The following TMEM117 variants were observed in gnomAD, a reference collection of about 807,000 sequenced individuals.
TMEM117 encodes transmembrane protein 117.
In TMEM117, 27 loss-of-function variants were observed where a neutral mutation model predicts 52.4. That is an observed-to-expected ratio of 0.51 (90% CI 0.38 to 0.71). The LOEUF (loss-of-function observed/expected upper bound fraction) is 0.71, where lower values mean the gene tolerates loss of function less well. Among genes scored for constraint, TMEM117 ranks in the 30% least tolerant of loss-of-function variants. The pLI, the probability that TMEM117 is intolerant of heterozygous loss-of-function variation, is 0.00. For synonymous variants in TMEM117, 215 were observed against 206.3 expected (o/e 1.04, Z -0.36); for missense variants, 556 against 630.5 (o/e 0.88, Z 1.26).
intron 3 of TMEM117, among the ~76,000 whole-genome samples, chr12:43,976,492 C>T (rs1202856384): frequency 3.3e-5 from 5 of 152,104 alleles, no homozygotes; most frequent in African/African-American, 4.8e-5. Context: ...TAAACATTGT[C>T]GACCCCCTGA....
At chr12:43,967,298 G>A (rs923891177) in intron 3 of TMEM117, among the ~76,000 whole-genome samples, 1 of 151,826 alleles carries the variant, frequency 6.6e-6, no homozygotes, top group African/African-American at 2.4e-5. Context: ...CTAATTTTTT[G>A]TATTTTGTGT....
At chr12:43,967,918 G>A (rs1945512899) in intron 3 of TMEM117, among the ~76,000 whole-genome samples, 1 of 152,166 alleles carries the variant, frequency 6.6e-6, no homozygotes, top group Non-Finnish European at 1.5e-5. Context: ...TACACAGAAT[G>A]GCTACAAAAT....
At chr12:43,914,127 G>C (rs11182325) in intron 2 of TMEM117, among the ~76,000 whole-genome samples, 108,947 of 151,994 alleles carry the variant, frequency 0.72, 42,169 homozygotes, top group East Asian at 0.87. Context: ...AAACCGTGAT[G>C]CTATAACCCC....
intron 6 of TMEM117, among the ~76,000 whole-genome samples, chr12:44,320,095 C>T (rs1030832407): frequency 2.0e-5 from 3 of 152,180 alleles, no homozygotes; most frequent in Admixed American, 2.0e-4. Context: ...TGGATGTTTA[C>T]GTGGGCATCT....
chr12:44,329,884 A>G (rs1040261846), intron 6 of TMEM117, among the ~76,000 whole-genome samples: 37 of 152,088 alleles, frequency 2.4e-4, no homozygotes, highest in African/African-American at 8.9e-4. Flanking sequence ...GTATGTATAT[A>G]CCGTATTTTG....
intron 2 of TMEM117, among the ~76,000 whole-genome samples, chr12:43,928,818 C>T (rs913869207): frequency 2.0e-5 from 3 of 147,910 alleles, no homozygotes; most frequent in Non-Finnish European, 4.5e-5. Context: ...TTGTTCAATT[C>T]CCACCTATGA....
chr12:44,343,515 G>A (rs187704245), intron 6 of TMEM117, among the ~76,000 whole-genome samples: 4 of 152,142 alleles, frequency 2.6e-5, no homozygotes, highest in East Asian at 1.9e-4. Context: ...TAGAGTAGTC[G>A]AATTTATAGA....
At chr12:43,953,830 C>A (rs183967253) in intron 3 of TMEM117, among the ~76,000 whole-genome samples, 7 of 152,280 alleles carry the variant, frequency 4.6e-5, no homozygotes, top group East Asian at 1.9e-4. Context: ...AACTCTCCCC[C>A]CCAAAACAAC....
At chr12:44,273,978 G>A (rs1465638129) in intron 5 of TMEM117, among the ~76,000 whole-genome samples, 1 of 151,952 alleles carries the variant, frequency 6.6e-6, no homozygotes, top group East Asian at 1.9e-4. Flanking sequence ...AATCAGACAA[G>A]AAAGAAATAA....
chr12:43,940,700 C>A (rs1171420108), intron 2 of TMEM117, among the ~76,000 whole-genome samples: 1 of 152,158 alleles, frequency 6.6e-6, no homozygotes, highest in South Asian at 2.1e-4. Flanking sequence ...CACCACCACG[C>A]CTGGCTAATA....
At chr12:43,965,620 A>G (rs1221572302) in intron 3 of TMEM117, among the ~76,000 whole-genome samples, 2 of 152,186 alleles carry the variant, frequency 1.3e-5, no homozygotes, top group African/African-American at 4.8e-5. Context: ...TGCCAAATGT[A>G]TCTGTTCGAA....
the TMEM117 span, chr12:43,804,231 G>A: frequency 2.1e-6 from 1 of 487,318 alleles, no homozygotes; most frequent in Non-Finnish European, 4.0e-6. Context: ...AATGGACTGT[G>A]GTGCAGAAAC....
intron 6 of TMEM117, among the ~76,000 whole-genome samples, chr12:44,327,579 C>T (rs12312536): frequency 0.031 from 4,749 of 152,204 alleles, 250 homozygotes; most frequent in African/African-American, 0.11. Flanking sequence ...CATAGTTAAC[C>T]ACCGAACATC....
chr12:44,230,996 A>G (rs1592625706), intron 5 of TMEM117, among the ~76,000 whole-genome samples: 1 of 152,130 alleles, frequency 6.6e-6, no homozygotes, highest in South Asian at 2.1e-4. Context: ...ACAATGTACT[A>G]TATAATGAGT....
intron 3 of TMEM117, among the ~76,000 whole-genome samples, chr12:44,025,483 G>A (rs1946518857): frequency 6.6e-6 from 1 of 152,154 alleles, no homozygotes; most frequent in Non-Finnish European, 1.5e-5. Flanking sequence ...ATAGGTAAGT[G>A]TTAAATTAAC....
intron 3 of TMEM117, among the ~76,000 whole-genome samples, chr12:43,998,186 GC>G (rs1946062344): frequency 6.6e-6 from 1 of 152,202 alleles, no homozygotes; most frequent in Admixed American, 6.5e-5. Context: ...TAGTGGTTCT[GC>G]CTGCAAGCAC....
At chr12:44,103,243 G>A (rs778304941) in intron 3 of TMEM117, among the ~76,000 whole-genome samples, 8 of 147,888 alleles carry the variant, frequency 5.4e-5, no homozygotes, top group Non-Finnish European at 1.2e-4. Context: ...TTTTTTTTGA[G>A]AGGAATTTTT....
rs553827048 is a variant in TMEM117, at chr12:43,940,699, G to A, written c.278-3511G>A. The stretch of plus-strand genomic sequence containing the variant: ...TAGGATTACAGGCGTGCACCACCAC[G>A]CCTGGCTAATATTTTTGTATTTTTA... On this transcript the variant is annotated intron_variant, in intron 2 of 7. Coordinates refer to ENST00000266534, the MANE Select transcript of TMEM117 (RefSeq NM_032256.3). Among the ~76,000 whole-genome samples the A allele has an allele frequency of 1.8e-4, 27 of 151,928 alleles. 1 individual carries two copies. The South Asian group carries it at 3.9e-3, about 22-fold the overall frequency.
intron 5 of TMEM117, among the ~76,000 whole-genome samples, chr12:44,239,757 A>G (rs1565625769): frequency 6.6e-6 from 1 of 152,124 alleles, no homozygotes; most frequent in Non-Finnish European, 1.5e-5. Context: ...ATCACAAAAT[A>G]TAGTCATATG....
Sources: gnomAD v4.1 joint callset for allele counts (sites outside exome capture counted in the v4.1 genomes callset) on GRCh38, gnomAD v4.1.1 for gene constraint, MANE v1.5 for transcripts, NCBI Gene and HGNC (gene_info 2026-07-23, HGNC 2026-07-21) for gene names.